The following MGAM2 variants were observed in gnomAD, a reference collection of about 807,000 sequenced individuals.
MGAM2 encodes the protein probable maltase-glucoamylase 2.
A neutral mutation model predicts 96.1 loss-of-function variants in MGAM2; 98 were observed. The ratio of observed to expected loss-of-function variants is 1.02; its 90% CI spans 0.87 to 1.21. MGAM2 has a LOEUF of 1.21. Among genes scored for constraint, MGAM2 ranks in the 50% most tolerant of loss-of-function variants. MGAM2 has a pLI of 0.00. For synonymous variants in MGAM2, 749 were observed against 414.8 expected (o/e 1.81, Z -9.79); for missense variants, 2,055 against 1,182.4 (o/e 1.74, Z -10.82).
chr7:142,216,601 G>A (rs2129107128), intron 46 of MGAM2, among the ~76,000 whole-genome samples: 1 of 152,264 alleles, frequency 6.6e-6, no homozygotes, highest in African/African-American at 2.4e-5. Flanking sequence ...CTGTAGTGTA[G>A]CTTCTCCCAC....
At chr7:142,182,379 G>A (rs1356146744) in intron 32 of MGAM2, among the ~76,000 whole-genome samples, 1 of 152,098 alleles carries the variant, frequency 6.6e-6, no homozygotes, top group South Asian at 2.1e-4. Context: ...GCTGGCAGAC[G>A]GGTGGCATGC....
intron 15 of MGAM2, 38 bp downstream of exon 15, chr7:142,147,611 G>C: frequency 1.5e-6 from 1 of 678,088 alleles, no homozygotes; most frequent in South Asian, 1.6e-5. Context: ...CAGATATGTG[G>C]AGGTGGGAGG....
intron 30 of MGAM2, 28 bp downstream of exon 30, chr7:142,172,792 A>G (rs747002817): frequency 3.2e-4 from 220 of 678,510 alleles, no homozygotes; most frequent in Non-Finnish European, 5.4e-4. Flanking sequence ...CCATCAATAT[A>G]TTGTCAAATA....
chr7:142,179,530 C>T (rs774989843), intron 32 of MGAM2, among the ~76,000 whole-genome samples: 16 of 152,068 alleles, frequency 1.1e-4, no homozygotes, highest in East Asian at 1.9e-4. Flanking sequence ...AGGTACTTCC[C>T]TTTGATGCCT....
intron 1 of MGAM2, among the ~76,000 whole-genome samples, chr7:142,113,999 CG>C (rs1454369014): frequency 6.6e-6 from 1 of 151,616 alleles, no homozygotes; most frequent in Non-Finnish European, 1.5e-5. Context: ...GGCATGATGG[CG>C]GGTGCCTGTA....
rs558319864 is a variant in MGAM2 at position 142,221,769 on chromosome 7, G to T, written c.7258G>T (p.Asp2420Tyr). 24 of 404,724 alleles carry T rather than the reference G, an allele frequency of 5.9e-5. No individual in the cohort carries two copies. Among genetic ancestry groups the T allele is most frequent in the African/African-American group, 4.9e-4 (24 of 48,700 alleles). The allele number at this position is 404,724 out of a possible 1,614,324, so 25.1% of individuals were successfully genotyped here. Reference protein sequence around the residue: ...LSNLGTMDITDADNSSSVTGN... With the variant: ...LSNLGTMDITYADNSSSVTGN... ...TAATCTAGGCACCATGGATATTACT[G>T]ATGCAGATAACTCCAGCAGTGTTAC... Residue 2420 changes from aspartate to tyrosine, a missense_variant, in exon 48 of 48, where the codon GAT becomes TAT. By Grantham distance (160) the Asp-to-Tyr change is radical (BLOSUM62 -3). Transcript: ENST00000477922.
In MGAM2 at chr7:142,158,004, T is replaced by C. The variant is rs957596568; in HGVS notation, c.1991T>C (p.Ile664Thr). The C allele has an allele frequency of 1.4e-6, 1 of 702,850 alleles. No individual in the cohort carries two copies. The highest frequency in any genetic ancestry group is 1.7e-5 in the African/African-American group (1 of 57,240). The allele number at this position is 702,850 out of a possible 1,614,324, so 43.5% of individuals were successfully genotyped here. The change falls in exon 18 of 48, where the codon ATC (isoleucine) becomes ACC (threonine). Residue 664 changes from isoleucine (I) to threonine (T), a missense_variant. Transcript: ENST00000477922. ...AAATCCTCCAGACATTATCTGAACA[T>C]CCGCTACACCTTGCTGCCCTATCTC... ...LLKSSRHYLN[I>T]RYTLLPYLYT... is the part of the protein sequence containing the mutation.
At chr7:142,137,404 T>A (rs1169383346) in intron 8 of MGAM2, 29 bp from the exon 9 acceptor site, 1 of 679,284 alleles carries the variant, frequency 1.5e-6, no homozygotes, top group Admixed American at 2.1e-5. Context: ...ACCATAAGAT[T>A]CTAATTAATC....
chr7:142,220,674 A>G lies in MGAM2; in HGVS notation c.6163A>G (p.Ser2055Gly). The G allele has an allele frequency of 1.4e-6, 1 of 702,348 alleles. No individual in the cohort carries two copies. The highest frequency in any genetic ancestry group is 1.5e-5 in the South Asian group (1 of 67,600). The allele number at this position is 702,348 out of a possible 1,614,324, so 43.5% of individuals were successfully genotyped here. The part of the protein sequence containing the change: ...FPTSTTSTST[S>G]ATVPITTTPS... Reference sequence around the variant, plus strand: ...TACAAGTACTACTAGTACTAGCACTAGTGCTACTGTTCCTATTACAACCAC... The same window carrying G: ...TACAAGTACTACTAGTACTAGCACTGGTGCTACTGTTCCTATTACAACCAC... The change falls in exon 48 of 48, where the codon AGT (serine) becomes GGT (glycine). Residue 2055 changes from serine to glycine, a missense_variant. By Grantham distance (56) the Ser-to-Gly change is moderately conservative. Coordinates refer to ENST00000477922, the MANE Select transcript of MGAM2 (RefSeq NM_001293626.2).
chr7:142,202,257 C>A (rs901356048), intron 45 of MGAM2, among the ~76,000 whole-genome samples: 1 of 152,134 alleles, frequency 6.6e-6, no homozygotes, highest in Non-Finnish European at 1.5e-5. Context: ...TCCAGGACCC[C>A]TGCGGATATC....
At chr7:142,198,403 C>T (rs1218287352) in intron 43 of MGAM2, among the ~76,000 whole-genome samples, 1 of 152,172 alleles carries the variant, frequency 6.6e-6, no homozygotes, top group Non-Finnish European at 1.5e-5. Flanking sequence ...CTCACCCTTG[C>T]CCTTGCCTCT....
intron 17 of MGAM2, among the ~76,000 whole-genome samples, chr7:142,155,127 T>C (rs896950781): frequency 1.3e-5 from 2 of 152,204 alleles, no homozygotes; most frequent in African/African-American, 4.8e-5. Flanking sequence ...TTCTATCCTA[T>C]ATAGGATAGG....
At chr7:142,147,209 C>G (rs746143729) in intron 14 of MGAM2, among the ~76,000 whole-genome samples, 1 of 152,144 alleles carries the variant, frequency 6.6e-6, no homozygotes, top group Admixed American at 6.5e-5. Context: ...CAGTTGCCTC[C>G]CCTCACCAGG....
intron 25 of MGAM2, 61 bp downstream of exon 25, chr7:142,166,314 C>T: frequency 1.6e-6 from 1 of 632,708 alleles, no homozygotes. Flanking sequence ...CTAGAAAACA[C>T]TTTTCAAATG....
intron 3 of MGAM2, among the ~76,000 whole-genome samples, chr7:142,127,640 G>T (rs1794765643): frequency 6.6e-6 from 1 of 152,072 alleles, no homozygotes; most frequent in Admixed American, 6.5e-5. Context: ...CCCCCATACT[G>T]TTCTTATGGT....
At chr7:142,135,039 T>C (rs1795015537) in intron 7 of MGAM2, among the ~76,000 whole-genome samples, 1 of 151,964 alleles carries the variant, frequency 6.6e-6, no homozygotes, top group Admixed American at 6.5e-5. Flanking sequence ...TTGAGTCACA[T>C]AGGTTTGTAG....
At chr7:142,195,112 G>A (rs1170849950) in intron 37 of MGAM2, among the ~76,000 whole-genome samples, 1 of 151,952 alleles carries the variant, frequency 6.6e-6, no homozygotes, top group African/African-American at 2.4e-5. Context: ...GCTTTTATTT[G>A]GATCCCAGAT....
Position 142,197,699 on chromosome 7 carries a change from G to T in MGAM2, c.4837G>T (p.Ala1613Ser). 4.3e-6 allele frequency: 3 copies of T among 702,960 alleles called. No individual in the cohort carries two copies. The highest frequency in any genetic ancestry group is 7.8e-6 in the Non-Finnish European group (3 of 385,006). 43.5% of individuals were successfully genotyped at this position (702,960 alleles called of 1,614,324 possible). A position where few individuals can be genotyped will look rare whatever the true frequency, so the allele number is the denominator to read the frequency against. ...DIDRQFMLGPAILISPVLETS... is the reference protein window; with the variant it reads ...DIDRQFMLGPSILISPVLETS... ...AGACCGTCAGTTCATGTTGGGCCCTGCTATCTTAATCAGCCCTGTGTTGGA... is the reference window on the plus strand; with the variant it reads ...AGACCGTCAGTTCATGTTGGGCCCTTCTATCTTAATCAGCCCTGTGTTGGA... The change falls in exon 42 of 48, where the codon GCT (alanine) becomes TCT (serine). Residue 1613 changes from alanine to serine, a missense_variant. Transcript: ENST00000477922.
At chr7:142,171,183 G>A (rs948786532) in intron 27 of MGAM2, 89 bp from the exon 28 acceptor site, 14 of 697,730 alleles carry the variant, frequency 2.0e-5, no homozygotes, top group Non-Finnish European at 2.9e-5. Flanking sequence ...AATTAAGGAG[G>A]CTTTGGAATC....
Sources: allele counts gnomAD v4.1 joint callset (sites outside exome capture counted in the v4.1 genomes callset), GRCh38; gene constraint gnomAD v4.1.1; transcripts MANE v1.5; gene names NCBI Gene and HGNC (gene_info 2026-07-23, HGNC 2026-07-21).